PCDH15: variants seen among roughly 807,000 people sequenced by gnomAD.
The protein encoded by PCDH15 is protocadherin related 15, also known as protocadherin-15.
PCDH15 carries 129 observed loss-of-function variants against 178.5 expected under a neutral mutation model. That is an observed-to-expected ratio of 0.72 (90% confidence interval 0.63 to 0.84). The LOEUF (loss-of-function observed/expected upper bound fraction) is 0.84, where lower values mean the gene tolerates loss of function less well. Ranked by LOEUF, PCDH15 falls within the 40% of genes least tolerant of loss-of-function variation. The pLI, the probability that PCDH15 is intolerant of heterozygous loss-of-function variation, is 0.00. For missense variants in PCDH15, 2,230 were observed against 2,099.9 expected, an observed-to-expected ratio of 1.06 and a Z score of -1.21; for synonymous variants, 800 against 732.0, an observed-to-expected ratio of 1.09 and a Z score of -1.50.
intron 3 of PCDH15, among the ~76,000 whole-genome samples, chr10:54,861,033 A>G (rs1332821530): frequency 1.3e-5 from 2 of 152,168 alleles, no homozygotes; most frequent in African/African-American, 4.8e-5. Context: ...TTTATTTTAT[A>G]ATACTCATTG....
chr10:53,953,272 C>A (rs747138469), intron 23 of PCDH15, among the ~76,000 whole-genome samples: 21 of 152,234 alleles, frequency 1.4e-4, no homozygotes, highest in Non-Finnish European at 2.6e-4. Flanking sequence ...AACAATTGAT[C>A]ATTAATGACA....
intron 2 of PCDH15, among the ~76,000 whole-genome samples, chr10:55,483,949 AC>A (rs1840241798): frequency 6.6e-6 from 1 of 151,854 alleles, no homozygotes; most frequent in Non-Finnish European, 1.5e-5. Context: ...GTACAAATAC[AC>A]CATGGAATAA....
chr10:54,731,097 T>C (rs1371559213), intron 1 of PCDH15, among the ~76,000 whole-genome samples: 1 of 151,178 alleles, frequency 6.6e-6, no homozygotes, highest in Non-Finnish European at 1.5e-5. Context: ...GGGTAGAAGA[T>C]CTGAAAAGAC....
At chr10:55,589,594 A>C (rs535505799) in intron 2 of PCDH15, among the ~76,000 whole-genome samples, 23 of 152,256 alleles carry the variant, frequency 1.5e-4, no homozygotes, top group African/African-American at 5.3e-4. Flanking sequence ...CAGAATCTAC[A>C]ATGAACTCAA....
chr10:54,185,375 G>A (rs1346037350), intron 11 of PCDH15, 107 bp from the exon 12 acceptor site: 8 of 1,256,146 alleles, frequency 6.4e-6, no homozygotes, highest in Non-Finnish European at 9.2e-6. Flanking sequence ...CCACGTGAAA[G>A]TATTAAGAAT....
intron 32 of PCDH15, chr10:53,821,902 C>A (rs200913448): frequency 6.2e-7 from 1 of 1,613,590 alleles, no homozygotes; most frequent in East Asian, 2.2e-5. Flanking sequence ...TCAGTTCCCT[C>A]GACAATATTG....
intron 1 of PCDH15, among the ~76,000 whole-genome samples, chr10:54,738,594 A>G (rs1944406292): frequency 6.6e-6 from 1 of 152,038 alleles, no homozygotes; most frequent in Admixed American, 6.6e-5. Context: ...CCAGACAAAC[A>G]TGCAATAATA....
intron 1 of PCDH15, among the ~76,000 whole-genome samples, chr10:54,759,113 G>A (rs566703208): frequency 5.3e-5 from 8 of 151,776 alleles, no homozygotes; most frequent in Middle Eastern, 3.4e-3. Flanking sequence ...CTTATATACA[G>A]GTGAAATAAA....
At chr10:54,673,470 C>T (rs1329709718) in intron 1 of PCDH15, among the ~76,000 whole-genome samples, 2 of 152,078 alleles carry the variant, frequency 1.3e-5, no homozygotes, top group African/African-American at 4.8e-5. Flanking sequence ...TGGAGTTTTG[C>T]TCTTGTTGCC....
At chr10:54,679,211 A>AAAAAC (rs1555144837) in intron 1 of PCDH15, among the ~76,000 whole-genome samples, 1 of 147,748 alleles carries the variant, frequency 6.8e-6, no homozygotes. Flanking sequence ...AAAAAAAAAA[A>AAAAAC]CATACAATTG....
intron 1 of PCDH15, among the ~76,000 whole-genome samples, chr10:54,759,787 T>A (rs1478196891): frequency 6.6e-6 from 1 of 152,172 alleles, no homozygotes; most frequent in African/African-American, 2.4e-5. Context: ...ACACTTAGGT[T>A]TTATCACCTA....
At chr10:55,274,652 A>T (rs1457459215) in intron 1 of PCDH15, among the ~76,000 whole-genome samples, 1 of 152,096 alleles carries the variant, frequency 6.6e-6, no homozygotes, top group Non-Finnish European at 1.5e-5. Context: ...TATACCGTGT[A>T]TTAAAAGCAG....
intron 30 of PCDH15, among the ~76,000 whole-genome samples, chr10:53,830,636 T>C (rs2076961474): frequency 6.6e-6 from 1 of 152,176 alleles, no homozygotes; most frequent in Non-Finnish European, 1.5e-5. Flanking sequence ...AAATTAGTGA[T>C]AATTACTTGA....
At chr10:53,895,806 G>A (rs901365115) in intron 26 of PCDH15, among the ~76,000 whole-genome samples, 19 of 152,070 alleles carry the variant, frequency 1.2e-4, no homozygotes, top group African/African-American at 3.9e-4. Flanking sequence ...AAAAGAAATC[G>A]GTTGCCTTTT....
intron 9 of PCDH15, among the ~76,000 whole-genome samples, chr10:54,227,539 A>G (rs2053582849): frequency 6.6e-6 from 1 of 152,092 alleles, no homozygotes; most frequent in Non-Finnish European, 1.5e-5. Context: ...TGTCATGAAG[A>G]CCTCTGAAAT....
chr10:54,043,562 A>T (rs11598118), intron 18 of PCDH15, among the ~76,000 whole-genome samples: 2 of 150,448 alleles, frequency 1.3e-5, no homozygotes, highest in Admixed American at 6.6e-5. Context: ...TAATTTTTGT[A>T]TTTTTTTGTA....
chr10:54,153,001 T>A, intron 14 of PCDH15, 99 bp downstream of exon 14: 5 of 1,311,406 alleles, frequency 3.8e-6, no homozygotes, highest in Non-Finnish European at 5.4e-6. Flanking sequence ...CTAATTTAGA[T>A]GTTTATAGGA....
chr10:55,127,481 C>T (rs148117066), intron 2 of PCDH15, among the ~76,000 whole-genome samples: 1,563 of 152,094 alleles, frequency 0.01, 20 homozygotes, highest in Admixed American at 0.016. Flanking sequence ...TCATAATCTT[C>T]GACTGACCAA....
At chr10:54,856,465 A>C (rs1756138657) in intron 3 of PCDH15, among the ~76,000 whole-genome samples, 1 of 152,218 alleles carries the variant, frequency 6.6e-6, no homozygotes, top group Non-Finnish European at 1.5e-5. Context: ...GAAATATCCC[A>C]GAGATTGAAA....
Sources: allele counts gnomAD v4.1 joint callset (sites outside exome capture counted in the v4.1 genomes callset), GRCh38; gene constraint gnomAD v4.1.1; transcripts MANE v1.5; gene names NCBI Gene and HGNC (gene_info 2026-07-23, HGNC 2026-07-21).